Variants in CNNM2 observed in about 807,000 individuals in gnomAD.
CNNM2 encodes the protein metal transporter CNNM2.
Under a neutral mutation model 66.9 loss-of-function variants are expected in CNNM2, and 12 were observed. That is an observed-to-expected ratio of 0.18 (90% CI 0.11 to 0.29). The LOEUF is 0.29. Ranked by LOEUF, CNNM2 falls within the 10% of genes least tolerant of loss-of-function variation. CNNM2 has a pLI of 1.00. For synonymous variants in CNNM2, 557 were observed against 501.8 expected, an observed-to-expected ratio of 1.11 and a Z score of -1.47; for missense variants, 705 against 1,167.7, an observed-to-expected ratio of 0.60 and a Z score of 5.77.
At chr10:102,954,995 C>T (rs948212273) in intron 1 of CNNM2, among the ~76,000 whole-genome samples, 1 of 152,160 alleles carries the variant, frequency 6.6e-6, no homozygotes, top group African/African-American at 2.4e-5. Flanking sequence ...ATCAAGCTAC[C>T]AATGACTTTC....
chr10:102,987,279 CAT>C (rs747816150), intron 1 of CNNM2, among the ~76,000 whole-genome samples: 4 of 151,600 alleles, frequency 2.6e-5, no homozygotes, highest in Admixed American at 6.6e-5. Flanking sequence ...GTAGGACTTA[CAT>C]ATATATATAT....
rs748696153 is a variant in CNNM2 at position 103,068,680 on chromosome 10, G to A, written c.2125G>A (p.Ala709Thr). 4 of 1,613,180 alleles carry A rather than the reference G, an allele frequency of 2.5e-6. No individual in the cohort carries two copies. Among genetic ancestry groups the A allele is most frequent in the Non-Finnish European group, 3.4e-6 (4 of 1,179,612 alleles). The change falls in exon 5 of 8, where the codon GCC (alanine) becomes ACC (threonine). Residue 709 changes from alanine (A) to threonine (T), a missense_variant. Ala to Thr is a moderately conservative substitution (Grantham distance 58). Coordinates refer to ENST00000369878, the MANE Select transcript of CNNM2 (RefSeq NM_017649.5). ...GKEGMKFEAS[A>T]FSYYGVMALT... is the part of the protein sequence containing the mutation. ...AGAAGGTATGAAGTTTGAAGCGAGC[G>A]CCTTCTCATACTATGGCGTGATGGC...
intron 1 of CNNM2, among the ~76,000 whole-genome samples, chr10:102,954,934 G>A (rs1038635598): frequency 1.2e-4 from 19 of 152,244 alleles, no homozygotes; most frequent in Middle Eastern, 3.4e-3. Context: ...AATCAATATC[G>A]TGAAAATGGC....
At chr10:103,033,383 G>A (rs1213148872) in intron 1 of CNNM2, among the ~76,000 whole-genome samples, 2 of 151,908 alleles carry the variant, frequency 1.3e-5, no homozygotes, top group African/African-American at 2.4e-5. Flanking sequence ...GTAGAGACGG[G>A]GTTTCACTGT....
At chr10:103,075,323 T>G (rs1209342069) in intron 6 of CNNM2, among the ~76,000 whole-genome samples, 1 of 152,156 alleles carries the variant, frequency 6.6e-6, no homozygotes, top group Non-Finnish European at 1.5e-5. Context: ...GAAAGAAGCC[T>G]TGATGAGGGG....
At chr10:102,967,790 C>T (rs1239871815) in intron 1 of CNNM2, among the ~76,000 whole-genome samples, 1 of 152,210 alleles carries the variant, frequency 6.6e-6, no homozygotes, top group Non-Finnish European at 1.5e-5. Flanking sequence ...GGGCGGATCA[C>T]CTGAGGTCAG....
Position 102,918,787 on chromosome 10 carries a change from C to G in CNNM2, c.307C>G (p.Leu103Val). Residue 103 changes from leucine to valine, a missense_variant, in exon 1 of 8, where the codon CTG (leucine) becomes GTG (valine). This residue lies in a region of CNNM2 where 15 missense variants were observed against 58.1 expected (regional missense o/e 0.26). Transcript: ENST00000369878. The surrounding 1 kb of genome is among the most constrained non-coding windows in gnomAD (Gnocchi z 4.1). ...GGTGAGCGAACGGACCCGGGTCAAG[C>G]TGCGGGTGTACGGGCAGAACATCAA... ...LRVSERTRVKLRVYGQNINNE... is the reference protein window; with the variant it reads ...LRVSERTRVKVRVYGQNINNE... The G allele has an allele frequency of 6.2e-7, 1 of 1,600,020 alleles. No homozygotes were observed. The highest frequency in any genetic ancestry group is 8.5e-7 in the Non-Finnish European group (1 of 1,174,070).
rs1056419524 is a variant in CNNM2, at chr10:103,089,195, A to G, written c.*12015A>G. 2.2e-5 allele frequency: 5 copies of G among 223,038 alleles called. No individual in the cohort carries two copies. Among genetic ancestry groups the G allele is most frequent in the African/African-American group, 6.7e-5 (3 of 44,802 alleles). 13.8% of individuals were successfully genotyped at this position (223,038 alleles called of 1,614,324 possible). On this transcript the variant is annotated 3_prime_UTR_variant, in exon 8 of 8. Coordinates refer to ENST00000369878, the MANE Select transcript of CNNM2 (RefSeq NM_017649.5). ...AGAAAACTTGACCTTAACAGAGACTACATTTGATCATGGAAATAATACATT... is the reference window on the plus strand; with the variant it reads ...AGAAAACTTGACCTTAACAGAGACTGCATTTGATCATGGAAATAATACATT...
chr10:103,043,605 AAAT>A (rs2065080111), intron 1 of CNNM2, among the ~76,000 whole-genome samples: 1 of 152,252 alleles, frequency 6.6e-6, no homozygotes, highest in African/African-American at 2.4e-5. Context: ...GAGAATATGC[AAAT>A]AATAAACTTT....
At chr10:102,986,381 T>C (rs1219864124) in intron 1 of CNNM2, among the ~76,000 whole-genome samples, 1 of 152,006 alleles carries the variant, frequency 6.6e-6, no homozygotes, top group Non-Finnish European at 1.5e-5. Context: ...TGGGTGGTGA[T>C]GGACCATTTG....
intron 1 of CNNM2, among the ~76,000 whole-genome samples, chr10:102,958,731 A>G (rs1218581183): frequency 6.6e-6 from 1 of 151,854 alleles, no homozygotes; most frequent in East Asian, 1.9e-4. Context: ...TGGCCTCCCA[A>G]AGTGCTGGGA....
chr10:102,946,375 A>C (rs568449012), intron 1 of CNNM2, among the ~76,000 whole-genome samples: 2 of 152,220 alleles, frequency 1.3e-5, no homozygotes, highest in African/African-American at 4.8e-5. Flanking sequence ...TTTAATGTAC[A>C]TATTGATTAT....
At chr10:102,957,242 G>A (rs575842134) in intron 1 of CNNM2, among the ~76,000 whole-genome samples, 1 of 152,314 alleles carries the variant, frequency 6.6e-6, no homozygotes, top group Non-Finnish European at 1.5e-5. Flanking sequence ...GGAGGCGGAG[G>A]TTGCAGTGAG....
At chr10:102,997,968 A>T (rs2064034912) in intron 1 of CNNM2, among the ~76,000 whole-genome samples, 1 of 152,118 alleles carries the variant, frequency 6.6e-6, no homozygotes, top group Non-Finnish European at 1.5e-5. Context: ...GTTTAACATG[A>T]CTTGCACTGA....
In CNNM2 at chr10:102,959,967, G is replaced by C. The variant is rs1050402748; in HGVS notation, c.1621+39866G>C. On this transcript the variant is annotated intron_variant, in intron 1 of 7. Coordinates refer to ENST00000369878, the MANE Select transcript of CNNM2 (RefSeq NM_017649.5). ...CTCAGGAGACTGAGGCAGGAAAATG[G>C]TGTGAACCCGGGAGGTGGAGCTTGC... is the stretch of plus-strand genomic sequence containing the variant. Among the ~76,000 whole-genome samples, 5 of 152,014 alleles carry C rather than the reference G, an allele frequency of 3.3e-5. No individual in the cohort carries two copies. In the South Asian group the frequency reaches 1.0e-3, roughly 32 times the overall value.
chr10:103,049,943 C>T, intron 2 of CNNM2, 93 bp downstream of exon 2: 1 of 1,267,538 alleles, frequency 7.9e-7, no homozygotes, highest in Non-Finnish European at 1.1e-6. Flanking sequence ...GTTGCTGCCT[C>T]TGTTTATAAT....
rs11191471 is a variant in CNNM2 at position 102,942,293 on chromosome 10, T to A, written c.1621+22192T>A. Among the ~76,000 whole-genome samples the A allele has an allele frequency of 0.41, 62,130 of 152,068 alleles. 12,893 individuals are homozygous for A. Among genetic ancestry groups the A allele is most frequent in the East Asian group, 0.55 (2,869 of 5,174 alleles). ...ACGCTTTTCATCTTGCAAAACTGAATCTCTATACCTATTAAACAAAACTTC... is the reference window on the plus strand; with the variant it reads ...ACGCTTTTCATCTTGCAAAACTGAAACTCTATACCTATTAAACAAAACTTC... On this transcript the variant is annotated intron_variant, in intron 1 of 7. Coordinates refer to ENST00000369878, the MANE Select transcript of CNNM2 (RefSeq NM_017649.5).
Position 102,919,076 on chromosome 10 carries a change from C to G in CNNM2, c.596C>G (p.Ala199Gly). 6.2e-7 allele frequency: 1 copy of G among 1,612,110 alleles called. No homozygotes were observed. The highest frequency in any genetic ancestry group is 1.1e-5 in the South Asian group (1 of 91,062). ...YYLCTSLSTP[A>G]LGAGGSGSTG... Reference sequence around the variant, plus strand: ...CTGTGCACGTCGCTCTCCACGCCCGCCCTGGGCGCCGGCGGCTCGGGGTCC... The same window carrying G: ...CTGTGCACGTCGCTCTCCACGCCCGGCCTGGGCGCCGGCGGCTCGGGGTCC... The change falls in exon 1 of 8, where the codon GCC becomes GGC. Residue 199 changes from alanine to glycine, a missense_variant. Coordinates refer to ENST00000369878, the MANE Select transcript of CNNM2 (RefSeq NM_017649.5).
Position 102,940,000 on chromosome 10 carries a change from C to A in CNNM2, c.1621+19899C>A, listed in dbSNP as rs11191468. ...AAACAAACAACAACAACAACAACAA[C>A]AAAAAAAAAACCGCCATGTAGGAGA... On this transcript the variant is annotated intron_variant, in intron 1 of 7. Transcript: ENST00000369878. 9.2e-3 allele frequency among the ~76,000 whole-genome samples: 995 copies of A among 107,720 alleles called. 53 individuals carry two copies. In the East Asian group the frequency reaches 0.16, roughly 17 times the overall value. The allele number at this position is 107,720 out of a possible 152,430, so 70.7% of individuals were successfully genotyped here.
Sources: gnomAD v4.1 joint callset for allele counts (sites outside exome capture counted in the v4.1 genomes callset) on GRCh38, gnomAD v4.1.1 for gene constraint, gnomAD v4.1.1 regional missense constraint, Gnocchi (gnomAD v3.1) non-coding constraint, MANE v1.5 for transcripts, NCBI Gene and HGNC (gene_info 2026-07-23, HGNC 2026-07-21) for gene names.